ANKRD30BL: variants seen among roughly 807,000 people sequenced by gnomAD.
ANKRD30BL encodes putative ankyrin repeat domain-containing protein 30B-like.
In ANKRD30BL, 20 loss-of-function variants were observed where a neutral mutation model predicts 18.4. The ratio of observed to expected loss-of-function variants is 1.09; its 90% CI spans 0.77 to 1.58. The LOEUF (loss-of-function observed/expected upper bound fraction) is 1.58, where lower values mean the gene tolerates loss of function less well. ANKRD30BL is among the 40% of genes most tolerant of loss of function. The pLI, the probability that ANKRD30BL is intolerant of heterozygous loss-of-function variation, is 0.00. For missense variants in ANKRD30BL, 224 were observed against 268.6 expected, an observed-to-expected ratio of 0.83 and a Z score of 1.16; for synonymous variants, 72 against 100.9, an observed-to-expected ratio of 0.71 and a Z score of 1.72.
At chr2:132,158,822 T>G (rs891922704) in intron 1 of ANKRD30BL, among the ~76,000 whole-genome samples, 9 of 151,320 alleles carry the variant, frequency 5.9e-5, no homozygotes, top group African/African-American at 2.2e-4. Context: ...ATGTGTCTAA[T>G]AAGATGTATA....
At chr2:132,165,459 C>T (rs996390754), upstream of ANKRD30BL, among the ~76,000 whole-genome samples, 3 of 151,310 alleles carry the variant, frequency 2.0e-5, no homozygotes, top group East Asian at 1.9e-4. Context: ...TTTGGGAGGC[C>T]GAGGCGGTCG....
At chr2:132,184,818 CT>C (rs976214345) in intron 1 of ANKRD30BL, among the ~76,000 whole-genome samples, 231 of 142,280 alleles carry the variant, frequency 1.6e-3, no homozygotes, top group Admixed American at 1.7e-3. Flanking sequence ...CTTCAAAATT[CT>C]TTTTTTTTTT....
chr2:132,199,231 A>G (rs1679042124), intron 1 of ANKRD30BL, among the ~76,000 whole-genome samples: 1 of 151,866 alleles, frequency 6.6e-6, no homozygotes, highest in Non-Finnish European at 1.5e-5. Flanking sequence ...TTGGTGGTGT[A>G]TGCCTGTAAT....
chr2:132,149,054 G>C (rs1687689055), intron 5 of ANKRD30BL, among the ~76,000 whole-genome samples: 1 of 152,190 alleles, frequency 6.6e-6, no homozygotes, highest in Non-Finnish European at 1.5e-5. Flanking sequence ...TAAAGACCCA[G>C]ACTATGTGTA....
intron 1 of ANKRD30BL, among the ~76,000 whole-genome samples, chr2:132,186,126 CA>C (rs111581260): frequency 8.0e-4 from 99 of 123,268 alleles, no homozygotes; most frequent in Middle Eastern, 4.3e-3. Flanking sequence ...CAAGATGTCT[CA>C]AAAAAAAAAA....
chr2:132,160,188 G>T (rs1269686784), intron 1 of ANKRD30BL, among the ~76,000 whole-genome samples: 2 of 151,836 alleles, frequency 1.3e-5, no homozygotes, highest in Non-Finnish European at 2.9e-5. Flanking sequence ...TGCAACCTCC[G>T]CCTCCCAGTT....
In ANKRD30BL at chr2:132,213,153, A is replaced by C. The variant is rs549371670; in HGVS notation, n.441+44376T>G. Among the ~76,000 whole-genome samples, 471 of 151,772 alleles carry C rather than the reference A, an allele frequency of 3.1e-3. 4 individuals carry two copies. The highest frequency in any genetic ancestry group is 0.011 in the African/African-American group (448 of 41,390). On this transcript the variant is annotated intron_variant and non_coding_transcript_variant, in intron 1 of 4. Transcript: ENST00000470729. ...CTATGGTGGAAAAAAAAATCTTCTC[A>C]TTATAACTAGACAAAAGCATTCTGA... is the stretch of plus-strand genomic sequence containing the variant.
Position 132,247,993 on chromosome 2 carries a change from A to C in ANKRD30BL, n.441+9536T>G, listed in dbSNP as rs112639807. On this transcript the variant is annotated intron_variant and non_coding_transcript_variant, in intron 1 of 4. Coordinates refer to the ANKRD30BL transcript ENST00000470729. ...ATCCCTTTACAGATTCTACAATAAG[A>C]CTTTTTCCAAACTGATCAACAAAAA... is the stretch of plus-strand genomic sequence containing the variant. Among the ~76,000 whole-genome samples the C allele has an allele frequency of 2.8e-4, 43 of 152,166 alleles. 1 individual carries two copies. Among genetic ancestry groups the C allele is most frequent in the African/African-American group, 9.6e-4 (40 of 41,558 alleles).
intron 1 of ANKRD30BL, among the ~76,000 whole-genome samples, chr2:132,206,483 A>G (rs1007219724): frequency 1.5e-4 from 23 of 152,268 alleles, no homozygotes; most frequent in African/African-American, 5.3e-4. Flanking sequence ...ACTGTAGACA[A>G]ATTACTTAAT....
intron 1 of ANKRD30BL, among the ~76,000 whole-genome samples, chr2:132,244,813 T>C (rs974671895): frequency 1.3e-5 from 2 of 152,286 alleles, no homozygotes; most frequent in African/African-American, 4.8e-5. Flanking sequence ...GATGTTTGCA[T>C]TCATCTCACA....
intron 1 of ANKRD30BL, among the ~76,000 whole-genome samples, chr2:132,255,458 G>A (rs1219373259): frequency 6.7e-6 from 1 of 149,056 alleles, no homozygotes; most frequent in South Asian, 2.2e-4. Flanking sequence ...GGGGCACCGA[G>A]AGGCAAGAAG....
chr2:132,218,271 T>G (rs1269778207), intron 1 of ANKRD30BL, among the ~76,000 whole-genome samples: 2 of 151,722 alleles, frequency 1.3e-5, no homozygotes, highest in African/African-American at 2.4e-5. Context: ...TGAGGCCTTC[T>G]TTGGAAATGG....
At chr2:132,231,807 C>T (rs1456814960) in intron 1 of ANKRD30BL, among the ~76,000 whole-genome samples, 1 of 152,234 alleles carries the variant, frequency 6.6e-6, no homozygotes, top group Non-Finnish European at 1.5e-5. Context: ...AACAAAGCAG[C>T]CAGGAAGCTC....
At chr2:132,257,531 C>T (rs1680895667) in exon 1 of ANKRD30BL, 1 of 230,486 alleles carries the variant, frequency 4.3e-6, no homozygotes, top group Non-Finnish European at 8.5e-6. Context: ...CCACTCACCT[C>T]ATCAAGGGGG....
At chr2:132,205,339 T>C (rs1414694152) in intron 1 of ANKRD30BL, among the ~76,000 whole-genome samples, 5 of 150,536 alleles carry the variant, frequency 3.3e-5, no homozygotes, top group Non-Finnish European at 7.4e-5. Context: ...GGCTGGGCAT[T>C]GTGGCTCATG....
At chr2:132,153,039 G>A (rs1687800673) in intron 4 of ANKRD30BL, among the ~76,000 whole-genome samples, 1 of 152,120 alleles carries the variant, frequency 6.6e-6, no homozygotes, top group Non-Finnish European at 1.5e-5. Flanking sequence ...TGTTAGTAAG[G>A]GCTTCCTGGT....
chr2:132,213,884 T>C (rs1222265521), intron 1 of ANKRD30BL, among the ~76,000 whole-genome samples: 3 of 152,116 alleles, frequency 2.0e-5, no homozygotes, highest in African/African-American at 7.2e-5. Context: ...TCTCACATAG[T>C]TGAACATTTC....
intron 1 of ANKRD30BL, among the ~76,000 whole-genome samples, chr2:132,235,243 C>G (rs1680122688): frequency 6.6e-6 from 1 of 152,110 alleles, no homozygotes; most frequent in South Asian, 2.1e-4. Context: ...ACTGAATGGG[C>G]AAAAACTGGA....
intron 1 of ANKRD30BL, among the ~76,000 whole-genome samples, chr2:132,198,779 A>T (rs1235097546): frequency 1.3e-5 from 2 of 151,714 alleles, no homozygotes; most frequent in Admixed American, 1.3e-4. Context: ...CACCATGCAC[A>T]GCTAATTTTT....
Sources: gnomAD v4.1 joint callset for allele counts (sites outside exome capture counted in the v4.1 genomes callset) on GRCh38, gnomAD v4.1.1 for gene constraint, MANE v1.5 for transcripts, NCBI Gene and HGNC (gene_info 2026-07-23, HGNC 2026-07-21) for gene names.